Variants in RYR3 observed in about 807,000 individuals in gnomAD.
The protein encoded by RYR3 is ryanodine receptor 3.
A neutral mutation model predicts 584.3 loss-of-function variants in RYR3; 207 were observed. That is an observed-to-expected ratio of 0.35 (90% CI 0.32 to 0.40). The LOEUF (loss-of-function observed/expected upper bound fraction) is 0.40, where lower values mean the gene tolerates loss of function less well. Among genes scored for constraint, RYR3 ranks in the 10% least tolerant of loss-of-function variants. RYR3 has a pLI of 1.00. For missense variants in RYR3, 5,616 were observed against 6,089.2 expected, an observed-to-expected ratio of 0.92 and a Z score of 2.59; for synonymous variants, 2,416 against 2,248.5, an observed-to-expected ratio of 1.07 and a Z score of -2.11.
intron 41 of RYR3, among the ~76,000 whole-genome samples, chr15:33,700,117 C>T (rs1045641100): frequency 2.6e-5 from 4 of 152,186 alleles, no homozygotes; most frequent in African/African-American, 9.7e-5. Flanking sequence ...CCATGGTTTA[C>T]AAAATGCCCC....
At chr15:33,741,523 A>G (rs1324873338) in intron 51 of RYR3, among the ~76,000 whole-genome samples, 1 of 152,234 alleles carries the variant, frequency 6.6e-6, no homozygotes, top group African/African-American at 2.4e-5. Flanking sequence ...GTAGGTGCTG[A>G]TACCAACAGA....
intron 1 of RYR3, among the ~76,000 whole-genome samples, chr15:33,456,219 A>G (rs2047545661): frequency 6.6e-6 from 1 of 152,124 alleles, no homozygotes; most frequent in Non-Finnish European, 1.5e-5. Flanking sequence ...AATCCTTCCC[A>G]TAGTTGCAGA....
Position 33,320,846 on chromosome 15 carries a change from T to C in RYR3, c.51+9750T>C, listed in dbSNP as rs534151916. Among the ~76,000 whole-genome samples, 3 of 152,350 alleles carry C rather than the reference T, an allele frequency of 2.0e-5. No individual in the cohort carries two copies. The South Asian group carries it at 6.2e-4, about 32-fold the overall frequency. On this transcript the variant is annotated intron_variant, in intron 1 of 103. Coordinates refer to ENST00000634891, the MANE Select transcript of RYR3 (RefSeq NM_001036.6). Reference sequence around the variant, plus strand: ...GTGTAAACATTGACATTAGTCACACTAGCTATTCCAAATGTCATTGCACAG... The same window carrying C: ...GTGTAAACATTGACATTAGTCACACCAGCTATTCCAAATGTCATTGCACAG...
rs193157783 is a variant in RYR3 at position 33,853,816 on chromosome 15, A to C, written c.13799+134A>C. ...GGCTTAGGTGTTTCTTCTAGGTTCT[A>C]ACACTGGGAGAGCACTGCCTTAAAA... On this transcript the variant is annotated intron_variant, in intron 96 of 103. Transcript: ENST00000634891. 5 of 1,131,448 alleles carry C rather than the reference A, an allele frequency of 4.4e-6. No individual in the cohort carries two copies. In the East Asian group the frequency reaches 1.2e-4, roughly 28 times the overall value. The allele number at this position is 1,131,448 out of a possible 1,614,324, so 70.1% of individuals were successfully genotyped here.
chr15:33,706,382 T>G (rs1263577910), intron 42 of RYR3, among the ~76,000 whole-genome samples: 3 of 152,182 alleles, frequency 2.0e-5, no homozygotes, highest in African/African-American at 7.2e-5. Context: ...ACAATAACTT[T>G]CCATTCTTCC....
chr15:33,643,257 G>A (rs2061930351), intron 27 of RYR3, among the ~76,000 whole-genome samples: 1 of 152,102 alleles, frequency 6.6e-6, no homozygotes, highest in South Asian at 2.1e-4. Context: ...ACCCTTCCAG[G>A]CGCTCTCTGC....
intron 72 of RYR3, among the ~76,000 whole-genome samples, chr15:33,811,516 A>C (rs2152946423): frequency 6.6e-6 from 1 of 152,146 alleles, no homozygotes; most frequent in East Asian, 1.9e-4. Context: ...GTCTCAAAAA[A>C]AAAAAAAAGT....
chr15:33,479,942 C>T (rs2049808634), intron 2 of RYR3, among the ~76,000 whole-genome samples: 1 of 152,096 alleles, frequency 6.6e-6, no homozygotes, highest in Admixed American at 6.5e-5. Flanking sequence ...AATTTTTGTA[C>T]AGCTAATATT....
chr15:33,853,814 C>G, intron 96 of RYR3, 132 bp downstream of exon 96: 1 of 1,151,526 alleles, frequency 8.7e-7, no homozygotes, highest in Non-Finnish European at 1.2e-6. Flanking sequence ...CTTCTAGGTT[C>G]TAACACTGGG....
At chr15:33,400,130 A>G (rs940174995) in intron 1 of RYR3, among the ~76,000 whole-genome samples, 6 of 152,192 alleles carry the variant, frequency 3.9e-5, no homozygotes, top group African/African-American at 1.4e-4. Flanking sequence ...AAAATCATGT[A>G]TATATCCTTT....
At chr15:33,327,597 C>T (rs1969877934) in intron 1 of RYR3, among the ~76,000 whole-genome samples, 1 of 152,134 alleles carries the variant, frequency 6.6e-6, no homozygotes, top group African/African-American at 2.4e-5. Flanking sequence ...CTGAACTAAA[C>T]AATCAGGTGC....
At chr15:33,833,531 C>T (rs1256536263) in intron 86 of RYR3, among the ~76,000 whole-genome samples, 4 of 152,210 alleles carry the variant, frequency 2.6e-5, no homozygotes, top group Non-Finnish European at 5.9e-5. Context: ...AAATAAGTTA[C>T]TGATCTGAAG....
intron 66 of RYR3, 62 bp downstream of exon 66, chr15:33,786,044 A>G (rs2074687603): frequency 3.8e-6 from 5 of 1,323,698 alleles, no homozygotes; most frequent in Non-Finnish European, 4.1e-6. Flanking sequence ...TTCTTTTTTC[A>G]TCTCTATTAT....
At chr15:33,574,280 T>C (rs1267742407) in intron 12 of RYR3, among the ~76,000 whole-genome samples, 1 of 152,140 alleles carries the variant, frequency 6.6e-6, no homozygotes, top group Non-Finnish European at 1.5e-5. Flanking sequence ...TCTAGTAAAA[T>C]GAAAGTGTTT....
At chr15:33,722,172 A>G (rs1596311029) in intron 43 of RYR3, among the ~76,000 whole-genome samples, 1 of 152,288 alleles carries the variant, frequency 6.6e-6, no homozygotes, top group East Asian at 1.9e-4. Flanking sequence ...CACCAGCTTG[A>G]GTAACCATCT....
chr15:33,719,647 C>T (rs1307907873), intron 43 of RYR3, among the ~76,000 whole-genome samples: 1 of 152,190 alleles, frequency 6.6e-6, no homozygotes, highest in African/African-American at 2.4e-5. Context: ...AGGCCAAAAC[C>T]ATTCGAAAGT....
chr15:33,772,442 C>T (rs74005997), intron 63 of RYR3, among the ~76,000 whole-genome samples: 1,982 of 152,290 alleles, frequency 0.013, 46 homozygotes, highest in African/African-American at 0.045. Context: ...ATTGTACTCT[C>T]GCTTAATTTC....
chr15:33,636,356 C>A lies in RYR3; in HGVS notation c.3382-20C>A. 6.2e-7 allele frequency: 1 copy of A among 1,612,184 alleles called. No homozygotes were observed. The highest frequency in any genetic ancestry group is 2.2e-5 in the East Asian group (1 of 44,868). On this transcript the variant is annotated intron_variant, in intron 26 of 103. Transcript: ENST00000634891. The stretch of plus-strand genomic sequence containing the variant: ...CTCTAGAGACTCCATTTCTCTAAGC[C>A]CTAGAGTCTTGTTTTCTAGGGCCAG...
intron 3 of RYR3, among the ~76,000 whole-genome samples, chr15:33,504,999 T>A (rs989459067): frequency 6.6e-6 from 1 of 152,228 alleles, no homozygotes; most frequent in South Asian, 2.1e-4. Flanking sequence ...ATAGCTCTTA[T>A]CACTCTGTAC....
Sources: gnomAD v4.1 joint callset for allele counts (sites outside exome capture counted in the v4.1 genomes callset) on GRCh38, gnomAD v4.1.1 for gene constraint, MANE v1.5 for transcripts, NCBI Gene and HGNC (gene_info 2026-07-23, HGNC 2026-07-21) for gene names.